TLE4: variants seen among roughly 807,000 people sequenced by gnomAD.
The protein encoded by TLE4 is TLE family member 4, transcriptional corepressor.
TLE4 carries 8 observed loss-of-function variants against 92.8 expected under a neutral mutation model. That is an observed-to-expected ratio of 0.09 (90% CI 0.05 to 0.16). The LOEUF is 0.16. Ranked by LOEUF, TLE4 falls within the 10% of genes least tolerant of loss-of-function variation. The probability of loss-of-function intolerance (pLI) is 1.00; values close to 1 mark genes in which losing one functional copy is unlikely to be tolerated. For missense variants in TLE4, 675 were observed against 997.6 expected (o/e 0.68, Z 4.36); for synonymous variants, 371 against 374.1 (o/e 0.99, Z 0.10).
At chr9:79,613,914 C>T (rs1363404233) in intron 5 of TLE4, among the ~76,000 whole-genome samples, 3 of 152,126 alleles carry the variant, frequency 2.0e-5, no homozygotes, top group East Asian at 1.9e-4. Context: ...TCTGAATTCA[C>T]ATGCTCTTTT....
At chr9:79,596,807 T>G (rs2044146951) in intron 4 of TLE4, among the ~76,000 whole-genome samples, 1 of 152,208 alleles carries the variant, frequency 6.6e-6, no homozygotes, top group South Asian at 2.1e-4. Flanking sequence ...ATTCTTCCCA[T>G]TTCATGATTA....
intron 5 of TLE4, among the ~76,000 whole-genome samples, chr9:79,620,920 T>G (rs1232572067): frequency 6.6e-6 from 1 of 151,934 alleles, no homozygotes; most frequent in African/African-American, 2.4e-5. Flanking sequence ...TCATACACTT[T>G]TTAAGGGCCA....
At chr9:79,608,277 C>G (rs1467053497) in intron 4 of TLE4, among the ~76,000 whole-genome samples, 1 of 151,956 alleles carries the variant, frequency 6.6e-6, no homozygotes. Context: ...TCTCATTAGT[C>G]CTCTGACTTT....
chr9:79,598,075 G>GAAAA (rs748860967), intron 4 of TLE4, among the ~76,000 whole-genome samples: 13 of 65,734 alleles, frequency 2.0e-4, no homozygotes, highest in Admixed American at 5.3e-4. Context: ...TACTGAAAAA[G>GAAAA]AAAAAAAAAA....
At chr9:79,666,217 GTTTTTTTTTTTT>G (rs1162655919) in intron 8 of TLE4, among the ~76,000 whole-genome samples, 1 of 65,620 alleles carries the variant, frequency 1.5e-5, no homozygotes. Flanking sequence ...TTTTTTTTTT[GTTTTTTTTTTTT>G]TTTTTTTTTT....
chr9:79,587,361 C>T (rs760075639), intron 4 of TLE4, among the ~76,000 whole-genome samples: 2 of 152,202 alleles, frequency 1.3e-5, no homozygotes, highest in African/African-American at 2.4e-5. Flanking sequence ...CAGTCTGCTA[C>T]AGGTCCTTGA....
In TLE4 at chr9:79,700,955, T is replaced by A. The variant is rs60203315; in HGVS notation, c.610-3828T>A. 1.9e-3 allele frequency among the ~76,000 whole-genome samples: 293 copies of A among 152,330 alleles called. 1 individual carries two copies. Among genetic ancestry groups the A allele is most frequent in the African/African-American group, 6.8e-3 (283 of 41,570 alleles). Reference sequence around the variant, plus strand: ...TCACAATGCAGCTTCAGTAAGTTTCTTATGTAGTAAACTTGAGAAATATCT... The same window carrying A: ...TCACAATGCAGCTTCAGTAAGTTTCATATGTAGTAAACTTGAGAAATATCT... On this transcript the variant is annotated intron_variant, in intron 8 of 19. Coordinates refer to ENST00000376552, the MANE Select transcript of TLE4 (RefSeq NM_007005.6).
intron 6 of TLE4, among the ~76,000 whole-genome samples, chr9:79,628,905 T>A (rs982857318): frequency 6.6e-6 from 1 of 151,250 alleles, no homozygotes; most frequent in Non-Finnish European, 1.5e-5. Flanking sequence ...TGTGTGTGTG[T>A]GTGTATATGT....
At chr9:79,595,991 C>T (rs1057014996) in intron 4 of TLE4, among the ~76,000 whole-genome samples, 23 of 151,908 alleles carry the variant, frequency 1.5e-4, no homozygotes, top group Admixed American at 2.0e-4. Flanking sequence ...GGACTACAGG[C>T]GCCCACCACC....
chr9:79,682,465 T>G (rs1402271054), intron 8 of TLE4, among the ~76,000 whole-genome samples: 1 of 152,138 alleles, frequency 6.6e-6, no homozygotes, highest in Non-Finnish European at 1.5e-5. Flanking sequence ...TATCTCTAAC[T>G]CTCATTGAAA....
At chr9:79,642,105 C>T (rs377760389) in intron 6 of TLE4, among the ~76,000 whole-genome samples, 13 of 151,912 alleles carry the variant, frequency 8.6e-5, no homozygotes, top group East Asian at 5.8e-4. Flanking sequence ...AAATTGTGGT[C>T]AAAATTTTGG....
intron 8 of TLE4, among the ~76,000 whole-genome samples, chr9:79,688,902 A>G (rs1488987279): frequency 6.6e-6 from 1 of 152,032 alleles, no homozygotes; most frequent in Non-Finnish European, 1.5e-5. Context: ...TGGCATGTGG[A>G]GGACAACATA....
At chr9:79,651,997 T>G (rs955978020) in intron 6 of TLE4, among the ~76,000 whole-genome samples, 4 of 152,174 alleles carry the variant, frequency 2.6e-5, no homozygotes, top group Admixed American at 2.6e-4. Context: ...AAGAAATATG[T>G]TTGCATATCA....
At chr9:79,627,608 T>C in intron 6 of TLE4, 160 bp downstream of exon 6, 1 of 688,256 alleles carries the variant, frequency 1.5e-6, no homozygotes, top group Non-Finnish European at 2.5e-6. Flanking sequence ...ATTTGATGGC[T>C]GCCTTAGAAA....
At chr9:79,611,936 T>TAAAAAAAAAAAA (rs34106000) in intron 4 of TLE4, among the ~76,000 whole-genome samples, 1 of 78,428 alleles carries the variant, frequency 1.3e-5, no homozygotes, top group African/African-American at 4.2e-5. Context: ...ATATCCACAG[T>TAAAAAAAAAAAA]AAAAAAAAAA....
In TLE4 at chr9:79,593,831, A is replaced by G. The variant is rs189908519; in HGVS notation, c.252+17654A>G. 4.9e-3 allele frequency among the ~76,000 whole-genome samples: 748 copies of G among 152,334 alleles called. 2 individuals are homozygous for G. The highest frequency in any genetic ancestry group is 8.1e-3 in the Non-Finnish European group (554 of 68,036). On this transcript the variant is annotated intron_variant, in intron 4 of 19. Coordinates refer to ENST00000376552, the MANE Select transcript of TLE4 (RefSeq NM_007005.6). ...CATACCACAAAAAATTAATGATACA[A>G]TGAAACCTCAGATCTTTAAAATTAT...
chr9:79,577,720 G>T (rs1427129294), intron 4 of TLE4, among the ~76,000 whole-genome samples: 1 of 152,120 alleles, frequency 6.6e-6, no homozygotes, highest in African/African-American at 2.4e-5. Flanking sequence ...TCTTTTTAAA[G>T]ATTGGACCAG....
At position 79,649,041 on chromosome 9, in the gene TLE4, A is replaced by G. The variant is rs533846455; in HGVS notation, c.391-3552A>G. On this transcript the variant is annotated intron_variant, in intron 6 of 19. Coordinates refer to ENST00000376552, the MANE Select transcript of TLE4 (RefSeq NM_007005.6). ...TCAGTGTTCTTGAAGCAGGTGGAGG[A>G]TATACTGTCTATGACTGCAGATACA... is the stretch of plus-strand genomic sequence containing the variant. Among the ~76,000 whole-genome samples, 226 of 152,286 alleles carry G rather than the reference A, an allele frequency of 1.5e-3. 1 individual carries two copies. The highest frequency in any genetic ancestry group is 5.1e-3 in the African/African-American group (213 of 41,556).
chr9:79,709,830 A>G, intron 14 of TLE4, 131 bp downstream of exon 14: 3 of 652,300 alleles, frequency 4.6e-6, no homozygotes, highest in Non-Finnish European at 7.5e-6. Context: ...CTTGCAAGGT[A>G]TTTTTCATTT....
Sources: gnomAD v4.1 joint callset for allele counts (sites outside exome capture counted in the v4.1 genomes callset) on GRCh38, gnomAD v4.1.1 for gene constraint, MANE v1.5 for transcripts, NCBI Gene and HGNC (gene_info 2026-07-23, HGNC 2026-07-21) for gene names.